EVC: variants seen among roughly 807,000 people sequenced by gnomAD.
EVC encodes the protein EvC ciliary complex subunit 1.
In EVC, 116 loss-of-function variants were observed where a neutral mutation model predicts 118.9. That is an observed-to-expected ratio of 0.98 (90% CI 0.84 to 1.14). The LOEUF (loss-of-function observed/expected upper bound fraction) is 1.14, where lower values mean the gene tolerates loss of function less well. EVC is among the 50% of genes most tolerant of loss of function. The pLI, the probability that EVC is intolerant of heterozygous loss-of-function variation, is 0.00. For synonymous variants in EVC, 619 were observed against 534.7 expected (o/e 1.16, Z -2.18); for missense variants, 1,401 against 1,246.4 (o/e 1.12, Z -1.87).
At chr4:5,782,983 G>A (rs1192695646) in intron 11 of EVC, among the ~76,000 whole-genome samples, 1 of 152,040 alleles carries the variant, frequency 6.6e-6, no homozygotes, top group East Asian at 1.9e-4. Flanking sequence ...AGCTTGGCAA[G>A]GAGAGCAGAT....
chr4:5,796,088 G>A (rs12508032), intron 13 of EVC, among the ~76,000 whole-genome samples: 42,432 of 151,958 alleles, frequency 0.28, 7,008 homozygotes, highest in South Asian at 0.54. Flanking sequence ...TTTATCAGGT[G>A]CTAAACCCAT....
rs896081116 is a variant in EVC, at chr4:5,756,150, T to C, written c.1465-114T>C. ...TCAGTTTCCTTGTGTGTAATACAGGTGCCAACATCCTTCTTTCTAACCTGA... is the reference window on the plus strand; with the variant it reads ...TCAGTTTCCTTGTGTGTAATACAGGCGCCAACATCCTTCTTTCTAACCTGA... On this transcript the variant is annotated intron_variant, in intron 10 of 20. Coordinates refer to ENST00000264956, the MANE Select transcript of EVC (RefSeq NM_153717.3). The surrounding 1 kb of genome is among the most constrained non-coding windows in gnomAD (Gnocchi z 4.2). The C allele has an allele frequency of 1.2e-6, 1 of 806,562 alleles. No individual in the cohort carries two copies. Among genetic ancestry groups the C allele is most frequent in the Non-Finnish European group, 2.1e-6 (1 of 481,628 alleles). 50.0% of individuals were successfully genotyped at this position (806,562 alleles called of 1,614,324 possible). A position where few individuals can be genotyped will look rare whatever the true frequency, so the allele number is the denominator to read the frequency against.
Position 5,731,344 on chromosome 4 carries a change from A to T in EVC, c.385-81A>T. 2 of 1,207,076 alleles carry T rather than the reference A, an allele frequency of 1.7e-6. No individual in the cohort carries two copies. The highest frequency in any genetic ancestry group is 2.5e-6 in the Non-Finnish European group (2 of 809,692). The allele number at this position is 1,207,076 out of a possible 1,614,324, so 74.8% of individuals were successfully genotyped here. A position where few individuals can be genotyped will look rare whatever the true frequency, so the allele number is the denominator to read the frequency against. ...GACCTTCCTGTGAGCGGCTAGCGTG[A>T]ATCACTGGTAGAATTATGAATACTA... On this transcript the variant is annotated intron_variant, in intron 3 of 20. Coordinates refer to ENST00000264956, the MANE Select transcript of EVC (RefSeq NM_153717.3). This position sits in a 1 kb window ranked among gnomAD's most constrained non-coding sequence, Gnocchi z 5.6.
Position 5,756,360 on chromosome 4 carries a change from C to A in EVC, c.1561C>A (p.Gln521Lys). 6.2e-7 allele frequency: 1 copy of A among 1,607,232 alleles called. No individual in the cohort carries two copies. The highest frequency in any genetic ancestry group is 8.5e-7 in the Non-Finnish European group (1 of 1,177,078). Residue 521 changes from glutamine (Q) to lysine (K), a missense_variant and splice_region_variant, in exon 11 of 21, where the codon CAG becomes AAG. Gln to Lys is a moderately conservative substitution (Grantham distance 53). Coordinates refer to ENST00000264956, the MANE Select transcript of EVC (RefSeq NM_153717.3). The surrounding 1 kb of genome is among the most constrained non-coding windows in gnomAD (Gnocchi z 4.2). ...RATEAVVALC[Q>K]ELYFSTVDTF... ...CACCGAGGCTGTGGTTGCACTCTGC[C>A]AGGTACATGGCCTCTGTGGGGACCA...
At chr4:5,804,416 G>A (rs1378890085) in intron 16 of EVC, among the ~76,000 whole-genome samples, 1 of 152,156 alleles carries the variant, frequency 6.6e-6, no homozygotes, top group African/African-American at 2.4e-5. Context: ...TTCCTTTACA[G>A]TGTGGCTTTT....
chr4:5,715,149 T>G (rs930067192), intron 1 of EVC, among the ~76,000 whole-genome samples: 1 of 152,232 alleles, frequency 6.6e-6, no homozygotes, highest in African/African-American at 2.4e-5. Flanking sequence ...TGTGTACTTA[T>G]CATTCATTTA....
intron 11 of EVC, among the ~76,000 whole-genome samples, chr4:5,768,772 G>T (rs538137277): frequency 2.6e-4 from 39 of 152,010 alleles, no homozygotes; most frequent in Admixed American, 1.8e-3. Context: ...CATGAGAATC[G>T]CTTGAACCCA....
intron 2 of EVC, among the ~76,000 whole-genome samples, chr4:5,728,654 T>A (rs1295487361): frequency 1.3e-5 from 2 of 152,202 alleles, no homozygotes; most frequent in Non-Finnish European, 2.9e-5. Flanking sequence ...GTTTACTATC[T>A]GGGAAGACTG....
intron 2 of EVC, among the ~76,000 whole-genome samples, chr4:5,723,481 G>A (rs951460329): frequency 1.3e-5 from 2 of 152,062 alleles, no homozygotes; most frequent in Non-Finnish European, 2.9e-5. Flanking sequence ...GAGCCACCGC[G>A]CCTGGTCCTT....
At chr4:5,748,745 C>G (rs1261123200) in intron 8 of EVC, among the ~76,000 whole-genome samples, 1 of 139,754 alleles carries the variant, frequency 7.2e-6, no homozygotes, top group Non-Finnish European at 1.5e-5. Flanking sequence ...TCAATCCACC[C>G]ATCCATCCAT....
At chr4:5,724,996 G>T (rs1725587373) in intron 2 of EVC, among the ~76,000 whole-genome samples, 1 of 152,074 alleles carries the variant, frequency 6.6e-6, no homozygotes, top group East Asian at 1.9e-4. Context: ...CTGTTCCTGT[G>T]TTAGTTTGCT....
At chr4:5,771,574 A>G (rs913889596) in intron 11 of EVC, among the ~76,000 whole-genome samples, 1 of 152,234 alleles carries the variant, frequency 6.6e-6, no homozygotes, top group Non-Finnish European at 1.5e-5. Context: ...TGTACCACGG[A>G]GAAAAACAGT....
intron 12 of EVC, among the ~76,000 whole-genome samples, chr4:5,785,173 C>T (rs1736231987): frequency 6.6e-6 from 1 of 152,192 alleles, no homozygotes; most frequent in South Asian, 2.1e-4. Flanking sequence ...TCTTCAGTGT[C>T]CCATTCTTCC....
At position 5,753,857 on chromosome 4, in the gene EVC, C is replaced by T. The variant is rs1473605830; in HGVS notation, c.1388C>T (p.Thr463Met). ...AHQVEGTAKL[T>M]LAQEEEQRSF... ...CAGGTGGAGGGAACGGCAAAACTCA[C>T]GCTGGCCCAAGAGGAGGAACAGAGA... Residue 463 changes from threonine to methionine, a missense_variant, in exon 10 of 21, where the codon ACG becomes ATG. By Grantham distance (81) the Thr-to-Met change is moderately conservative (BLOSUM62 -1). Coordinates refer to ENST00000264956, the MANE Select transcript of EVC (RefSeq NM_153717.3). The T allele has an allele frequency of 6.2e-7, 1 of 1,614,074 alleles. No homozygotes were observed. The highest frequency in any genetic ancestry group is 2.2e-5 in the East Asian group (1 of 44,890).
At position 5,798,220 on chromosome 4, in the gene EVC, G is replaced by A. The variant is rs1560427107; in HGVS notation, c.2098-366G>A. On this transcript the variant is annotated intron_variant, in intron 14 of 20. Coordinates refer to ENST00000264956, the MANE Select transcript of EVC (RefSeq NM_153717.3). This position sits in a 1 kb window ranked among gnomAD's most constrained non-coding sequence, Gnocchi z 4.1. The stretch of plus-strand genomic sequence containing the variant: ...CACATCTGGCTTCAAACCTGGCTCT[G>A]CTGTGTGACTTTAGAAAGTTACTTA... Among the ~76,000 whole-genome samples, 1 of 152,200 alleles carries A rather than the reference G, an allele frequency of 6.6e-6. No homozygotes were observed. The highest frequency in any genetic ancestry group is 1.5e-5 in the Non-Finnish European group (1 of 68,022).
At chr4:5,817,532 T>C (rs550256759), downstream of EVC, among the ~76,000 whole-genome samples, 9 of 152,284 alleles carry the variant, frequency 5.9e-5, no homozygotes, top group African/African-American at 2.2e-4. Context: ...TCCTCTAAAA[T>C]CTCTGCAGGT....
In EVC at chr4:5,729,356, C is replaced by G; in HGVS notation, c.350C>G (p.Ala117Gly). Residue 117 changes from alanine (A) to glycine (G), a missense_variant, in exon 3 of 21, where the codon GCC becomes GGC. Coordinates refer to ENST00000264956, the MANE Select transcript of EVC (RefSeq NM_153717.3). ...NSNITAFALKAKVIYPINQKF... is the reference protein window; with the variant it reads ...NSNITAFALKGKVIYPINQKF... ...AATATCACAGCATTCGCCCTGAAGG[C>G]CAAAGTCATCTACCCCATCAATCAG... The G allele has an allele frequency of 6.2e-7, 1 of 1,614,128 alleles. No individual in the cohort carries two copies. The highest frequency in any genetic ancestry group is 8.5e-7 in the Non-Finnish European group (1 of 1,180,036).
chr4:5,768,745 T>A (rs1267627085), intron 11 of EVC, among the ~76,000 whole-genome samples: 2 of 151,188 alleles, frequency 1.3e-5, no homozygotes, highest in African/African-American at 4.9e-5. Flanking sequence ...TTATCCCAGC[T>A]ACTCGGGAGG....
intron 12 of EVC, among the ~76,000 whole-genome samples, chr4:5,786,955 GCT>G (rs1202823941): frequency 1.3e-5 from 2 of 151,896 alleles, no homozygotes; most frequent in South Asian, 2.1e-4. Flanking sequence ...AGAGAAATGA[GCT>G]CTCTGTCATT....
Sources: allele counts gnomAD v4.1 joint callset (sites outside exome capture counted in the v4.1 genomes callset), GRCh38; gene constraint gnomAD v4.1.1; non-coding constraint Gnocchi (gnomAD v3.1); transcripts MANE v1.5; gene names NCBI Gene and HGNC (gene_info 2026-07-23, HGNC 2026-07-21).